The following DOCK9 variants were observed in gnomAD, a reference collection of about 807,000 sequenced individuals.
The protein encoded by DOCK9 is dedicator of cytokinesis protein 9.
Under a neutral mutation model 263.3 loss-of-function variants are expected in DOCK9, and 89 were observed. The ratio of observed to expected loss-of-function variants is 0.34; its 90% confidence interval spans 0.28 to 0.40. The LOEUF (loss-of-function observed/expected upper bound fraction) is 0.40. Among genes scored for constraint, DOCK9 ranks in the 10% least tolerant of loss-of-function variants. The probability of loss-of-function intolerance (pLI) is 1.00; values close to 1 mark genes in which losing one functional copy is unlikely to be tolerated. For missense variants in DOCK9, 2,140 were observed against 2,603.4 expected, an observed-to-expected ratio of 0.82 and a Z score of 3.87; for synonymous variants, 976 against 973.1, an observed-to-expected ratio of 1.00 and a Z score of -0.06.
At chr13:98,869,713 A>G (rs1291806176) in intron 27 of DOCK9, among the ~76,000 whole-genome samples, 2 of 152,256 alleles carry the variant, frequency 1.3e-5, no homozygotes, top group Non-Finnish European at 2.9e-5. Flanking sequence ...TTTTACAGGG[A>G]CACATGGCTG....
intron 1 of DOCK9, chr13:99,086,082 G>T: frequency 2.4e-6 from 3 of 1,265,158 alleles, no homozygotes; most frequent in Non-Finnish European, 3.0e-6. Context: ...CCCTCCCGCC[G>T]GCCCCACCTC....
At position 98,927,625 on chromosome 13, in the gene DOCK9, A is replaced by T. The variant is rs1027262418; in HGVS notation, c.334-1706T>A. ...ATGGAGCCCAGATTTTTATTTATTT[A>T]TTTATTTTTTTTTAAGACGGAATCT... On this transcript the variant is annotated intron_variant, in intron 3 of 52. Transcript: ENST00000682017. 3.0e-3 allele frequency among the ~76,000 whole-genome samples: 247 copies of T among 82,616 alleles called. 1 individual carries two copies. Among genetic ancestry groups the T allele is most frequent in the East Asian group, 0.023 (87 of 3,760 alleles). The allele number at this position is 82,616 out of a possible 152,430, so 54.2% of individuals were successfully genotyped here. A position where few individuals can be genotyped will look rare whatever the true frequency, so the allele number is the denominator to read the frequency against.
chr13:98,979,147 G>A (rs1295747353), upstream of DOCK9, among the ~76,000 whole-genome samples: 1 of 149,696 alleles, frequency 6.7e-6, no homozygotes, highest in Non-Finnish European at 1.5e-5. Flanking sequence ...AGCAGCAGCC[G>A]TAGCAGTAGC....
intron 1 of DOCK9, among the ~76,000 whole-genome samples, chr13:98,997,892 G>GCCCAGC (rs1452165738): frequency 6.6e-6 from 1 of 152,212 alleles, no homozygotes; most frequent in African/African-American, 2.4e-5. Context: ...TGTGGCACTG[G>GCCCAGC]CCCAGCCCCA....
intron 2 of DOCK9, among the ~76,000 whole-genome samples, chr13:98,945,081 C>A (rs1311927104): frequency 6.6e-6 from 1 of 152,170 alleles, no homozygotes; most frequent in East Asian, 1.9e-4. Context: ...GTTTGTAAAT[C>A]ACTTCCTTTT....
chr13:98,891,733 T>C lies in DOCK9; in HGVS notation c.1710-3022A>G, dbSNP rs537288199. On this transcript the variant is annotated intron_variant, in intron 15 of 52. Coordinates refer to ENST00000682017, the MANE Select transcript of DOCK9 (RefSeq NM_001366683.2). The stretch of plus-strand genomic sequence containing the variant: ...AGATTTTACTTCTAGTTGCTGCTTC[T>C]GTAAAGACGTTCTTTCCATGTGTTT... Among the ~76,000 whole-genome samples, 11 of 152,358 alleles carry C rather than the reference T, an allele frequency of 7.2e-5. No individual in the cohort carries two copies. The South Asian group carries it at 1.9e-3, about 26-fold the overall frequency.
chr13:98,952,760 T>TC (rs2057590788), intron 2 of DOCK9, among the ~76,000 whole-genome samples: 1 of 152,174 alleles, frequency 6.6e-6, no homozygotes, highest in Non-Finnish European at 1.5e-5. Context: ...ATCACCACTA[T>TC]CCATGCTTAT....
intron 1 of DOCK9, among the ~76,000 whole-genome samples, chr13:99,073,009 A>T (rs1425522682): frequency 1.3e-5 from 2 of 152,128 alleles, no homozygotes; most frequent in Non-Finnish European, 2.9e-5. Flanking sequence ...AGAAAAAAGA[A>T]TTCCAGGAAT....
intron 38 of DOCK9, among the ~76,000 whole-genome samples, chr13:98,838,962 A>G (rs1316557857): frequency 2.0e-5 from 3 of 152,228 alleles, no homozygotes; most frequent in Non-Finnish European, 4.4e-5. Flanking sequence ...CATAGTACAT[A>G]TTATTGGGAG....
chr13:98,977,782 A>G lies in DOCK9; in HGVS notation c.126+2T>C. Reference sequence around the variant, plus strand: ...GCAACACTTTGTACGAGACCCTCTTACCGGCACAGGGCCCGGGCTCTCTGC... The same window carrying G: ...GCAACACTTTGTACGAGACCCTCTTGCCGGCACAGGGCCCGGGCTCTCTGC... On this transcript the variant is annotated splice_donor_variant, in intron 1 of 52. Coordinates refer to ENST00000682017, the MANE Select transcript of DOCK9 (RefSeq NM_001366683.2). LOFTEE classifies it high-confidence loss of function. 1 of 1,611,866 alleles carries G rather than the reference A, an allele frequency of 6.2e-7. No individual in the cohort carries two copies. Among genetic ancestry groups the G allele is most frequent in the South Asian group, 1.1e-5 (1 of 90,468 alleles).
In DOCK9 at chr13:98,856,148, G is replaced by A. The variant is rs529749711; in HGVS notation, c.3698-117C>T. 4 of 1,100,742 alleles carry A rather than the reference G, an allele frequency of 3.6e-6. No individual in the cohort carries two copies. In the African/African-American group the frequency reaches 6.3e-5, roughly 17 times the overall value. 68.2% of individuals were successfully genotyped at this position (1,100,742 alleles called of 1,614,324 possible). Reference sequence around the variant, plus strand: ...ACTTATTTTTTCTGTTAGGAAGTTGGCTCAAGAGTTGCATTCCATTACTTC... The same window carrying A: ...ACTTATTTTTTCTGTTAGGAAGTTGACTCAAGAGTTGCATTCCATTACTTC... On this transcript the variant is annotated intron_variant, in intron 33 of 52. Transcript: ENST00000682017.
At chr13:98,850,148 A>T in intron 35 of DOCK9, 35 bp from the exon 36 acceptor site, 1 of 1,338,784 alleles carries the variant, frequency 7.5e-7, no homozygotes. Flanking sequence ...ATCACAATAC[A>T]TATGATATAC....
At chr13:99,034,132 C>T (rs1887617909) in intron 1 of DOCK9, among the ~76,000 whole-genome samples, 1 of 152,030 alleles carries the variant, frequency 6.6e-6, no homozygotes, top group East Asian at 1.9e-4. Context: ...AAAATAGCAA[C>T]ACTAGAAAAG....
Position 98,888,201 on chromosome 13 carries a change from A to G in DOCK9, c.2000T>C (p.Ile667Thr). The G allele has an allele frequency of 1.2e-6, 2 of 1,610,492 alleles. No individual in the cohort carries two copies. Among genetic ancestry groups the G allele is most frequent in the Non-Finnish European group, 1.7e-6 (2 of 1,178,236 alleles). ...TTCCTCATCTGAATCTTTGAATTCA[A>G]TGCAAATCGCAATATTTCTAGCCTG... ...FAKARNIAICIEFKDSDEEDS... is the reference protein window; with the variant it reads ...FAKARNIAICTEFKDSDEEDS... The change falls in exon 18 of 53, where the codon ATT (isoleucine) becomes ACT (threonine). Residue 667 changes from isoleucine to threonine, a missense_variant. By Grantham distance (89) the Ile-to-Thr change is moderately conservative. This residue lies in a region of DOCK9 where 1,521 missense variants were observed against 1,741.7 expected (regional missense o/e 0.87). Coordinates refer to ENST00000682017, the MANE Select transcript of DOCK9 (RefSeq NM_001366683.2).
intron 39 of DOCK9, among the ~76,000 whole-genome samples, chr13:98,835,127 G>C (rs1380590766): frequency 6.6e-6 from 1 of 152,206 alleles, no homozygotes; most frequent in African/African-American, 2.4e-5. Flanking sequence ...AGAATTCTGA[G>C]CTTAAACCTT....
intron 38 of DOCK9, among the ~76,000 whole-genome samples, chr13:98,840,729 A>G (rs1050015674): frequency 1.1e-4 from 17 of 152,320 alleles, no homozygotes; most frequent in Admixed American, 1.0e-3. Context: ...TTGGGATAGA[A>G]GAGTAGGTCA....
chr13:98,995,317 T>G (rs1233315307), intron 1 of DOCK9, among the ~76,000 whole-genome samples: 1 of 152,146 alleles, frequency 6.6e-6, no homozygotes. Flanking sequence ...TTGGGAGATG[T>G]GCTGACCAGG....
intron 10 of DOCK9, 37 bp downstream of exon 10, chr13:98,904,595 T>G: frequency 7.0e-7 from 1 of 1,427,248 alleles, no homozygotes; most frequent in Non-Finnish European, 9.5e-7. Context: ...CTCTCCCACA[T>G]TTGGTTTTAA....
intron 1 of DOCK9, among the ~76,000 whole-genome samples, chr13:98,960,725 C>A (rs2058538869): frequency 6.6e-6 from 1 of 152,146 alleles, no homozygotes; most frequent in Non-Finnish European, 1.5e-5. Context: ...TTCTGAGGCC[C>A]CAGTCCAGAG....
Sources: allele counts gnomAD v4.1 joint callset (sites outside exome capture counted in the v4.1 genomes callset), GRCh38; gene constraint gnomAD v4.1.1; regional missense constraint gnomAD v4.1.1; transcripts MANE v1.5; gene names NCBI Gene and HGNC (gene_info 2026-07-23, HGNC 2026-07-21).